PIGK: variants seen among roughly 807,000 people sequenced by gnomAD.
The protein encoded by PIGK is GPI-anchor transamidase.
A neutral mutation model predicts 50.6 loss-of-function variants in PIGK; 42 were observed. That is an observed-to-expected ratio of 0.83 (90% CI 0.65 to 1.07). PIGK has a LOEUF of 1.07. Among genes scored for constraint, PIGK ranks in the 50% least tolerant of loss-of-function variants. The probability of loss-of-function intolerance (pLI) is 0.00; values close to 1 mark genes in which losing one functional copy is unlikely to be tolerated. For synonymous variants in PIGK, 151 were observed against 156.0 expected (o/e 0.97, Z 0.24); for missense variants, 448 against 488.7 (o/e 0.92, Z 0.78).
chr1:77,161,849 CA>C (rs113085801), intron 6 of PIGK, 138 bp from the exon 7 acceptor site: 32,790 of 630,924 alleles, frequency 0.052, 1,842 homozygotes, highest in South Asian at 0.19. Context: ...GAATTCCCAA[CA>C]GAAATTTGAC....
chr1:77,188,044 C>T (rs550870764), intron 3 of PIGK, among the ~76,000 whole-genome samples: 6 of 152,184 alleles, frequency 3.9e-5, no homozygotes, highest in Non-Finnish European at 5.9e-5. Context: ...AGATGTATGT[C>T]GCCTCAGGAC....
chr1:77,218,872 A>G (rs1173806941), intron 1 of PIGK, among the ~76,000 whole-genome samples: 2 of 152,118 alleles, frequency 1.3e-5, no homozygotes, highest in Non-Finnish European at 2.9e-5. Context: ...GAGTTTTAAT[A>G]AACACTTATA....
At chr1:77,111,632 A>G (rs897257726) in intron 10 of PIGK, among the ~76,000 whole-genome samples, 14 of 151,780 alleles carry the variant, frequency 9.2e-5, no homozygotes, top group Non-Finnish European at 2.1e-4. Context: ...GGGGAGGGTT[A>G]GCATTAGGAG....
chr1:77,150,808 A>T (rs1273281699), intron 9 of PIGK, among the ~76,000 whole-genome samples: 1 of 152,138 alleles, frequency 6.6e-6, no homozygotes, highest in African/African-American at 2.4e-5. Context: ...AAGAAACAGA[A>T]AATCTAAACA....
At chr1:77,112,090 C>T (rs1653860997) in intron 10 of PIGK, among the ~76,000 whole-genome samples, 1 of 151,930 alleles carries the variant, frequency 6.6e-6, no homozygotes, top group African/African-American at 2.4e-5. Flanking sequence ...ACATAATACA[C>T]AAGTTACCCA....
chr1:77,104,746 A>G (rs1653626078), intron 10 of PIGK, among the ~76,000 whole-genome samples: 1 of 152,166 alleles, frequency 6.6e-6, no homozygotes, highest in South Asian at 2.1e-4. Context: ...TGTGGGAGGG[A>G]GCATGTGAGC....
chr1:77,122,194 T>G, intron 10 of PIGK, 81 bp downstream of exon 10: 2 of 898,376 alleles, frequency 2.2e-6, no homozygotes, highest in Admixed American at 3.8e-5. Context: ...GCACATTGAT[T>G]CTGAAAAACC....
intron 9 of PIGK, among the ~76,000 whole-genome samples, chr1:77,148,725 T>G (rs1402716810): frequency 1.3e-5 from 2 of 151,734 alleles, no homozygotes; most frequent in Non-Finnish European, 2.9e-5. Flanking sequence ...TTTTTGGTTT[T>G]TTTTTTTTGA....
At chr1:77,132,257 A>C (rs1048145434) in intron 9 of PIGK, among the ~76,000 whole-genome samples, 2 of 151,962 alleles carry the variant, frequency 1.3e-5, no homozygotes, top group African/African-American at 4.8e-5. Context: ...GTAATAAGTG[A>C]TATAGCTGGA....
chr1:77,136,135 T>C (rs1461056534), intron 9 of PIGK, among the ~76,000 whole-genome samples: 1 of 152,222 alleles, frequency 6.6e-6, no homozygotes, highest in Non-Finnish European at 1.5e-5. Flanking sequence ...CAGTCCTTAA[T>C]GGTAGCTTAG....
chr1:77,198,867 CA>C (rs1656092717), intron 3 of PIGK, among the ~76,000 whole-genome samples: 1 of 151,928 alleles, frequency 6.6e-6, no homozygotes, highest in Non-Finnish European at 1.5e-5. Flanking sequence ...AAGAACTTGA[CA>C]AACCAATTCC....
At position 77,131,157 on chromosome 1, in the gene PIGK, G is replaced by A. The variant is rs563881714; in HGVS notation, c.987-8798C>T. Among the ~76,000 whole-genome samples the A allele has an allele frequency of 8.1e-4, 123 of 151,696 alleles. 1 individual carries two copies. Among genetic ancestry groups the A allele is most frequent in the African/African-American group, 2.9e-3 (122 of 41,440 alleles). ...CATCTTTTAAGATGTATAATCGGGT[G>A]GCTTATAGCTTTTGTTGCTTATTTT... On this transcript the variant is annotated intron_variant, in intron 9 of 10. Coordinates refer to ENST00000370812, the MANE Select transcript of PIGK (RefSeq NM_005482.3).
At chr1:77,198,127 T>A (rs1433863204) in intron 3 of PIGK, among the ~76,000 whole-genome samples, 1 of 152,140 alleles carries the variant, frequency 6.6e-6, no homozygotes, top group African/African-American at 2.4e-5. Context: ...ATAAAAATTA[T>A]CATGCAGACA....
At chr1:77,218,049 A>T (rs1430605889) in intron 1 of PIGK, among the ~76,000 whole-genome samples, 2 of 152,196 alleles carry the variant, frequency 1.3e-5, no homozygotes, top group African/African-American at 4.8e-5. Flanking sequence ...TCATAAATAT[A>T]TATGAAGTTC....
chr1:77,108,643 G>C (rs1189781164), intron 10 of PIGK, among the ~76,000 whole-genome samples: 2 of 151,896 alleles, frequency 1.3e-5, no homozygotes, highest in African/African-American at 2.4e-5. Flanking sequence ...GGCCTGCCTT[G>C]CTAGGCTGGG....
rs1414231960 is a variant in PIGK at position 77,182,199 on chromosome 1, C to T, written c.240-12804G>A. Among the ~76,000 whole-genome samples the T allele has an allele frequency of 5.9e-5, 9 of 152,070 alleles. No individual in the cohort carries two copies. The South Asian group carries it at 1.0e-3, about 18-fold the overall frequency. ...TAAAGTTACATGTGGTTGAATATAA[C>T]GAAGATAACAGCTAACATTTATTGA... On this transcript the variant is annotated intron_variant, in intron 3 of 10. Coordinates refer to ENST00000370812, the MANE Select transcript of PIGK (RefSeq NM_005482.3).
At chr1:77,143,292 T>C (rs184552472) in intron 9 of PIGK, among the ~76,000 whole-genome samples, 1 of 152,238 alleles carries the variant, frequency 6.6e-6, no homozygotes, top group East Asian at 1.9e-4. Context: ...GAAACTAATA[T>C]CTAAAAATAT....
intron 3 of PIGK, among the ~76,000 whole-genome samples, chr1:77,188,466 CCCT>C (rs1333031773): frequency 6.6e-6 from 1 of 152,190 alleles, no homozygotes; most frequent in Non-Finnish European, 1.5e-5. Flanking sequence ...GATCTCAAAA[CCCT>C]GTCTCCTGAT....
Position 77,219,392 on chromosome 1 carries a change from G to T in PIGK, c.11C>A (p.Thr4Asn), listed in dbSNP as rs1656671316. The T allele has an allele frequency of 6.2e-7, 1 of 1,613,390 alleles. No individual in the cohort carries two copies. Among genetic ancestry groups the T allele is most frequent in the Middle Eastern group, 1.7e-4 (1 of 6,056 alleles). Residue 4 changes from threonine (T) to asparagine (N), a missense_variant, in exon 1 of 11, where the codon ACC (threonine) becomes AAC (asparagine). Coordinates refer to ENST00000370812, the MANE Select transcript of PIGK (RefSeq NM_005482.3). MAVTDSLSRAATVL... is the reference protein window; with the variant it reads MAVNDSLSRAATVL... Reference sequence around the variant, plus strand: ...AGTCGCAGCCCGGCTGAGGCTGTCGGTGACGGCCATGTTTACCGGCTTCAG... The same window carrying T: ...AGTCGCAGCCCGGCTGAGGCTGTCGTTGACGGCCATGTTTACCGGCTTCAG...
Sources: allele counts gnomAD v4.1 joint callset (sites outside exome capture counted in the v4.1 genomes callset), GRCh38; gene constraint gnomAD v4.1.1; transcripts MANE v1.5; gene names NCBI Gene and HGNC (gene_info 2026-07-23, HGNC 2026-07-21).